Variants in VPS13D observed in about 807,000 individuals in gnomAD.
The protein encoded by VPS13D is intermembrane lipid transfer protein VPS13D.
A neutral mutation model predicts 461.9 loss-of-function variants in VPS13D; 187 were observed. The observed-to-expected ratio is 0.40, with a 90% CI of 0.36 to 0.46. The LOEUF (loss-of-function observed/expected upper bound fraction) is 0.46. Among genes scored for constraint, VPS13D ranks in the 20% least tolerant of loss-of-function variants. The probability of loss-of-function intolerance (pLI) is 0.60; values close to 1 mark genes in which losing one functional copy is unlikely to be tolerated. For missense variants in VPS13D, 4,711 were observed against 5,364.9 expected, an observed-to-expected ratio of 0.88 and a Z score of 3.81; for synonymous variants, 1,951 against 1,986.3, an observed-to-expected ratio of 0.98 and a Z score of 0.47.
chr1:12,486,281 G>A (rs1645796009), intron 67 of VPS13D, among the ~76,000 whole-genome samples: 1 of 152,254 alleles, frequency 6.6e-6, no homozygotes, highest in African/African-American at 2.4e-5. Flanking sequence ...TCGGGAGGAA[G>A]ATGAGGAGGA....
In VPS13D at chr1:12,358,442, G is replaced by A. The variant is rs1384782761; in HGVS notation, c.9999-17G>A. Reference sequence around the variant, plus strand: ...CTTGTGGATGAATATCTACATCTTTGCTTTTCTGCCCCACAGCTGCACGAT... The same window carrying A: ...CTTGTGGATGAATATCTACATCTTTACTTTTCTGCCCCACAGCTGCACGAT... On this transcript the variant is annotated splice_polypyrimidine_tract_variant and intron_variant, in intron 49 of 69. Coordinates refer to ENST00000620676, the MANE Select transcript of VPS13D (RefSeq NM_015378.4). 4 of 1,613,248 alleles carry A rather than the reference G, an allele frequency of 2.5e-6. No homozygotes were observed. The highest frequency in any genetic ancestry group is 2.7e-5 in the African/African-American group (2 of 74,886).
At chr1:12,368,922 G>A (rs1644076768) in intron 53 of VPS13D, among the ~76,000 whole-genome samples, 1 of 152,140 alleles carries the variant, frequency 6.6e-6, no homozygotes, top group Non-Finnish European at 1.5e-5. Flanking sequence ...CAGTGACAAT[G>A]GGAATGGGCA....
chr1:12,506,643 C>T lies in VPS13D; in HGVS notation c.12795-210C>T, dbSNP rs531827701. Among the ~76,000 whole-genome samples the T allele has an allele frequency of 5.9e-5, 9 of 152,384 alleles. No homozygotes were observed. The East Asian group carries it at 1.7e-3, about 29-fold the overall frequency. ...TGTTTTGTCCAATAGAGTATTGTTA[C>T]AGTTTTCTGTAAGCTTTAAGCTATC... On this transcript the variant is annotated intron_variant, in intron 68 of 69. Coordinates refer to ENST00000620676, the MANE Select transcript of VPS13D (RefSeq NM_015378.4).
At chr1:12,475,041 C>T (rs1020365132) in intron 67 of VPS13D, among the ~76,000 whole-genome samples, 2 of 152,066 alleles carry the variant, frequency 1.3e-5, no homozygotes, top group African/African-American at 4.8e-5. Flanking sequence ...CATGGAGCCT[C>T]GTCCTGATGT....
At chr1:12,396,817 G>T (rs1644505269) in intron 60 of VPS13D, among the ~76,000 whole-genome samples, 1 of 152,170 alleles carries the variant, frequency 6.6e-6, no homozygotes, top group Admixed American at 6.5e-5. Context: ...TTAATATCTT[G>T]CAGCTATTTT....
In VPS13D at chr1:12,244,543, C is replaced by T. The variant is rs752503639; in HGVS notation, c.373C>T (p.Arg125Cys). The change falls in exon 5 of 70, where the codon CGC becomes TGC. Residue 125 changes from arginine (R) to cysteine (C), a missense_variant. Transcript: ENST00000620676. Reference sequence around the variant, plus strand: ...CTGACTCTTGTCTTTGTAGAATGACCGCCAGCAGAAAGGGGAGTCCTATTG... The same window carrying T: ...CTGACTCTTGTCTTTGTAGAATGACTGCCAGCAGAAAGGGGAGTCCTATTG... ...QALEEKWKND[R>C]QQKGESYWYS... The T allele has an allele frequency of 6.2e-6, 10 of 1,614,024 alleles. No individual in the cohort carries two copies. The highest frequency in any genetic ancestry group is 6.8e-6 in the Non-Finnish European group (8 of 1,180,032).
chr1:12,379,723 A>T, intron 57 of VPS13D, 127 bp downstream of exon 57: 1 of 585,532 alleles, frequency 1.7e-6, no homozygotes. Flanking sequence ...TACTTATTCT[A>T]TTCCATTTTA....
chr1:12,385,659 TTTTG>T (rs1644341466), intron 59 of VPS13D, among the ~76,000 whole-genome samples: 1 of 152,230 alleles, frequency 6.6e-6, no homozygotes, highest in African/African-American at 2.4e-5. Flanking sequence ...ATTTTTTGTT[TTTTG>T]CTTCAGCCAT....
At chr1:12,479,505 C>G (rs1431983350) in intron 67 of VPS13D, among the ~76,000 whole-genome samples, 1 of 152,252 alleles carries the variant, frequency 6.6e-6, no homozygotes, top group Non-Finnish European at 1.5e-5. Context: ...AGTATTCAGT[C>G]TTCACAACCA....
intron 46 of VPS13D, among the ~76,000 whole-genome samples, chr1:12,351,102 A>G (rs1254070941): frequency 1.3e-5 from 2 of 152,230 alleles, no homozygotes; most frequent in African/African-American, 2.4e-5. Context: ...AGTGAATTCT[A>G]CCAGACGTTT....
intron 67 of VPS13D, among the ~76,000 whole-genome samples, chr1:12,470,206 C>T (rs1645544325): frequency 6.6e-6 from 1 of 152,198 alleles, no homozygotes; most frequent in Non-Finnish European, 1.5e-5. Flanking sequence ...CAGAGCAAAA[C>T]CTCACTTCTC....
At chr1:12,451,894 G>A (rs903126811) in intron 65 of VPS13D, among the ~76,000 whole-genome samples, 2 of 152,214 alleles carry the variant, frequency 1.3e-5, no homozygotes, top group Admixed American at 6.5e-5. Context: ...ATCAGGCTCT[G>A]TGCTATGTGC....
intron 5 of VPS13D, among the ~76,000 whole-genome samples, chr1:12,244,832 TTC>T (rs1296319764): frequency 3.3e-5 from 5 of 152,168 alleles, no homozygotes; most frequent in African/African-American, 4.8e-5. Flanking sequence ...GTTTTCTTGT[TTC>T]TGCTGGCATG....
chr1:12,416,436 GTATGTGTATTGGGA>G (rs1359157615), intron 64 of VPS13D, among the ~76,000 whole-genome samples: 2 of 152,208 alleles, frequency 1.3e-5, no homozygotes, highest in Non-Finnish European at 2.9e-5. Flanking sequence ...GCTTGGAAGA[GTATGTGTATTGGGA>G]TATGTGTATT....
intron 22 of VPS13D, among the ~76,000 whole-genome samples, chr1:12,289,637 TG>T (rs1642068403): frequency 6.6e-6 from 1 of 152,022 alleles, no homozygotes; most frequent in African/African-American, 2.4e-5. Context: ...TGGTTATTTT[TG>T]TTAGAAGACA....
chr1:12,273,005 G>T lies in VPS13D; in HGVS notation c.2106G>T (p.Glu702Asp), dbSNP rs1331465478. 2 of 1,613,908 alleles carry T rather than the reference G, an allele frequency of 1.2e-6. No homozygotes were observed. The highest frequency in any genetic ancestry group is 1.7e-6 in the Non-Finnish European group (2 of 1,179,892). Reference sequence around the variant, plus strand: ...TAATGACTGTTTTATTTGTACAGGAGGAGAGTAAACGATGGACCGTGCGGC... The same window carrying T: ...TAATGACTGTTTTATTTGTACAGGATGAGAGTAAACGATGGACCGTGCGGC... ...LDRLLVGDFI[E>D]ESKRWTVRLD... The change falls in exon 18 of 70, where the codon GAG becomes GAT. Residue 702 changes from glutamate (E) to aspartate (D), a missense_variant and splice_region_variant. Transcript: ENST00000620676.
chr1:12,403,070 A>T (rs1644600777), intron 62 of VPS13D, among the ~76,000 whole-genome samples: 1 of 152,246 alleles, frequency 6.6e-6, no homozygotes, highest in African/African-American at 2.4e-5. Context: ...AGTAGCACTG[A>T]TGATAGCTTA....
At position 12,322,657 on chromosome 1, in the gene VPS13D, C is replaced by A; in HGVS notation, c.7826C>A (p.Ser2609Ter). The change falls in exon 34 of 70, where the codon TCA becomes TAA. Residue 2609 changes from serine to a stop codon, truncating the protein, a stop_gained. Coordinates refer to ENST00000620676, the MANE Select transcript of VPS13D (RefSeq NM_015378.4). LOFTEE classifies it high-confidence loss of function. Reference protein sequence around the residue: ...AAVPDSVALESDSVGTYLPGA... With the variant: ...AAVPDSVALE ...GTGCCAGACTCAGTGGCCCTGGAGT[C>A]AGACTCCGTTGGCACTTACCTTCCA... is the stretch of plus-strand genomic sequence containing the variant. 6.2e-7 allele frequency: 1 copy of A among 1,614,228 alleles called. No homozygotes were observed. Among genetic ancestry groups the A allele is most frequent in the South Asian group, 1.1e-5 (1 of 91,074 alleles).
At chr1:12,261,803 A>T in intron 12 of VPS13D, 98 bp from the exon 13 acceptor site, 1 of 1,043,874 alleles carries the variant, frequency 9.6e-7, no homozygotes, top group Non-Finnish European at 1.4e-6. Flanking sequence ...AGGGAAAAAT[A>T]GTTAAATAAC....
Sources: allele counts gnomAD v4.1 joint callset (sites outside exome capture counted in the v4.1 genomes callset), GRCh38; gene constraint gnomAD v4.1.1; transcripts MANE v1.5; gene names NCBI Gene and HGNC (gene_info 2026-07-23, HGNC 2026-07-21).